Variants in TAS2R1 observed in about 807,000 individuals in gnomAD.
TAS2R1 encodes taste receptor type 2 member 1.
For missense variants in TAS2R1, 370 were observed against 353.4 expected, an observed-to-expected ratio of 1.05 and a Z score of -0.38; for synonymous variants, 141 against 134.2, an observed-to-expected ratio of 1.05 and a Z score of -0.35.
At chr5:9,745,747 T>C in the TAS2R1 span, among the ~76,000 whole-genome samples, 1 of 152,202 alleles carries the variant, frequency 6.6e-6, no homozygotes, top group Non-Finnish European at 1.5e-5. Flanking sequence ...CCTTTCCTTA[T>C]ACCTTATACA....
At chr5:9,742,455 C>A in the TAS2R1 span, among the ~76,000 whole-genome samples, 1 of 152,178 alleles carries the variant, frequency 6.6e-6, no homozygotes, top group Non-Finnish European at 1.5e-5. Flanking sequence ...CCTAACATAG[C>A]ATTTAACAGC....
the TAS2R1 span, among the ~76,000 whole-genome samples, chr5:9,867,389 A>G: frequency 6.6e-6 from 1 of 152,180 alleles, no homozygotes; most frequent in Admixed American, 6.5e-5. Flanking sequence ...CCTCACAATC[A>G]TGGTGGAAGG....
the TAS2R1 span, among the ~76,000 whole-genome samples, chr5:9,737,593 C>A: frequency 2.0e-5 from 3 of 152,234 alleles, no homozygotes; most frequent in Admixed American, 2.0e-4. Flanking sequence ...ATGAGCCCAG[C>A]CTGCCAGGTC....
At chr5:9,881,428 A>T in the TAS2R1 span, among the ~76,000 whole-genome samples, 1 of 152,222 alleles carries the variant, frequency 6.6e-6, no homozygotes, top group African/African-American at 2.4e-5. Context: ...AAATGGCCAT[A>T]GTGCCCAAGT....
At chr5:9,881,736 T>C in the TAS2R1 span, among the ~76,000 whole-genome samples, 1 of 152,112 alleles carries the variant, frequency 6.6e-6, no homozygotes. Context: ...TCAACAAACC[T>C]GACAAAAACA....
At chr5:9,771,469 T>C in the TAS2R1 span, among the ~76,000 whole-genome samples, 3 of 152,282 alleles carry the variant, frequency 2.0e-5, no homozygotes, top group Non-Finnish European at 4.4e-5. Flanking sequence ...TATTGGTCTG[T>C]AGGTTTATTT....
At chr5:9,788,575 C>G in the TAS2R1 span, among the ~76,000 whole-genome samples, 23 of 152,066 alleles carry the variant, frequency 1.5e-4, no homozygotes, top group Admixed American at 5.2e-4. Context: ...AGCATTTCTA[C>G]TAAGATCTTT....
chr5:9,757,921 G>C, the TAS2R1 span, among the ~76,000 whole-genome samples: 1 of 151,370 alleles, frequency 6.6e-6, no homozygotes. Flanking sequence ...TTTTTCATGA[G>C]AAAAACAACC....
chr5:9,764,878 C>T, the TAS2R1 span, among the ~76,000 whole-genome samples: 5 of 152,274 alleles, frequency 3.3e-5, no homozygotes, highest in African/African-American at 1.2e-4. Context: ...ACCACTTGAA[C>T]CACCACTAGC....
chr5:9,779,180 TAA>T, the TAS2R1 span, among the ~76,000 whole-genome samples: 6 of 152,292 alleles, frequency 3.9e-5, no homozygotes, highest in East Asian at 1.9e-4. Flanking sequence ...TCCAATTGTT[TAA>T]AAGAGTCTGG....
At chr5:9,902,890 C>A in the TAS2R1 span, 1 of 151,828 alleles carries the variant, frequency 6.6e-6, no homozygotes, top group Non-Finnish European at 1.5e-5. Context: ...TCACTCGTGT[C>A]TTCAGCAGGT....
At chr5:9,795,447 T>A in the TAS2R1 span, among the ~76,000 whole-genome samples, 3 of 152,122 alleles carry the variant, frequency 2.0e-5, no homozygotes, top group Non-Finnish European at 4.4e-5. Context: ...AGGGTTTCCC[T>A]ATTCTCAGCT....
intron 1 of TAS2R1, among the ~76,000 whole-genome samples, chr5:9,666,139 G>A (rs1740628320): frequency 6.6e-6 from 1 of 152,012 alleles, no homozygotes; most frequent in Non-Finnish European, 1.5e-5. Context: ...ATAATTATAA[G>A]GAGAGATTTT....
At chr5:9,779,853 T>A in the TAS2R1 span, among the ~76,000 whole-genome samples, 1 of 152,228 alleles carries the variant, frequency 6.6e-6, no homozygotes, top group South Asian at 2.1e-4. Flanking sequence ...AATCTTCAAT[T>A]TGTAAATAAC....
chr5:9,748,095 T>C, the TAS2R1 span, among the ~76,000 whole-genome samples: 7 of 152,352 alleles, frequency 4.6e-5, no homozygotes, highest in Middle Eastern at 3.4e-3. Flanking sequence ...TGGCTTTTTA[T>C]TCTTCTGTTA....
the TAS2R1 span, among the ~76,000 whole-genome samples, chr5:9,844,761 T>C: frequency 6.6e-6 from 1 of 152,094 alleles, no homozygotes; most frequent in Admixed American, 6.6e-5. Flanking sequence ...TGAACTTTTC[T>C]ACAAAAAAAG....
At chr5:9,863,329 G>A in the TAS2R1 span, among the ~76,000 whole-genome samples, 5 of 148,684 alleles carry the variant, frequency 3.4e-5, no homozygotes, top group Admixed American at 6.8e-5. Context: ...GTGCAGTAGC[G>A]TGATGATCTC....
the TAS2R1 span, among the ~76,000 whole-genome samples, chr5:9,733,887 A>G: frequency 2.0e-5 from 3 of 151,982 alleles, no homozygotes; most frequent in Non-Finnish European, 4.4e-5. Flanking sequence ...AGAGCATATT[A>G]TGAAGTGTAA....
intron 1 of TAS2R1, among the ~76,000 whole-genome samples, chr5:9,679,505 G>A (rs1339573553): frequency 6.6e-6 from 1 of 152,176 alleles, no homozygotes; most frequent in Non-Finnish European, 1.5e-5. Context: ...TAAAGTCTAT[G>A]AAACAAAAGG....
Sources: allele counts gnomAD v4.1 joint callset (sites outside exome capture counted in the v4.1 genomes callset), GRCh38; gene constraint gnomAD v4.1.1; transcripts MANE v1.5; gene names NCBI Gene and HGNC (gene_info 2026-07-23, HGNC 2026-07-21).